Variants in IFT52 observed in about 807,000 individuals in gnomAD.
IFT52 encodes the protein intraflagellar transport 52.
IFT52 carries 44 observed loss-of-function variants against 54.4 expected under a neutral mutation model. That is an observed-to-expected ratio of 0.81 (90% CI 0.63 to 1.04). The LOEUF (loss-of-function observed/expected upper bound fraction) is 1.04. Among genes scored for constraint, IFT52 ranks in the 50% least tolerant of loss-of-function variants. IFT52 has a pLI of 0.00. For synonymous variants in IFT52, 181 were observed against 185.3 expected, an observed-to-expected ratio of 0.98 and a Z score of 0.19; for missense variants, 452 against 523.6, an observed-to-expected ratio of 0.86 and a Z score of 1.33.
intron 10 of IFT52, 104 bp from the exon 11 acceptor site, chr20:43,635,822 G>C: frequency 1.0e-6 from 1 of 956,412 alleles, no homozygotes; most frequent in Non-Finnish European, 1.6e-6. Flanking sequence ...TCTAAAAATA[G>C]TACTGAACCA....
chr20:43,595,989 T>C (rs924618540), intron 2 of IFT52, among the ~76,000 whole-genome samples: 1 of 152,274 alleles, frequency 6.6e-6, no homozygotes, highest in Non-Finnish European at 1.5e-5. Flanking sequence ...CAAAAGATTA[T>C]TCTAATTATA....
Position 43,643,192 on chromosome 20 carries a change from C to CA in IFT52, c.1266+578dup, listed in dbSNP as rs1265564639. ...AAAAAAACAAAAAAACAAAACAAAA[C>CA]AAAAAAAAAACAGCTGGGTGTGGTG... is the stretch of plus-strand genomic sequence containing the variant. On this transcript the variant is annotated intron_variant, in intron 13 of 13. Transcript: ENST00000373030. Among the ~76,000 whole-genome samples the CA allele has an allele frequency of 1.9e-3, 243 of 129,632 alleles. 1 individual carries two copies. Among genetic ancestry groups the CA allele is most frequent in the African/African-American group, 5.7e-3 (200 of 34,902 alleles). 85.0% of individuals were successfully genotyped at this position (129,632 alleles called of 152,430 possible). A position where few individuals can be genotyped will look rare whatever the true frequency, so the allele number is the denominator to read the frequency against.
Position 43,635,229 on chromosome 20 carries a change from T to A in IFT52, c.924-697T>A, listed in dbSNP as rs1370202989. Among the ~76,000 whole-genome samples the A allele has an allele frequency of 3.3e-5, 5 of 151,456 alleles. No individual in the cohort carries two copies. The East Asian group carries it at 9.6e-4, about 29-fold the overall frequency. ...CATGTGGTATTTGGTTTTCTCTTCCTGTATTAGTTTGCTAAGGATAATGGC... is the reference window on the plus strand; with the variant it reads ...CATGTGGTATTTGGTTTTCTCTTCCAGTATTAGTTTGCTAAGGATAATGGC... On this transcript the variant is annotated intron_variant, in intron 10 of 13. Transcript: ENST00000373030.
At position 43,623,985 on chromosome 20, in the gene IFT52, CCACCCTCTT is replaced by C. The variant is rs747558520; in HGVS notation, c.865_873del (p.Thr289_Phe291del). On this transcript the variant is annotated inframe_deletion, in exon 10 of 14. Transcript: ENST00000373030. ...AGTGATGAGATCCCAAGGGACTTTA[CCACCCTCTT>C]CGACCTGTCCATCTTCCAGCTGGAT... 10 of 1,614,146 alleles carry C rather than the reference CCACCCTCTT, an allele frequency of 6.2e-6. No individual in the cohort carries two copies. Among genetic ancestry groups the C allele is most frequent in the Non-Finnish European group, 8.5e-6 (10 of 1,180,010 alleles).
At chr20:43,614,494 G>A (rs1282156883) in intron 7 of IFT52, among the ~76,000 whole-genome samples, 1 of 151,132 alleles carries the variant, frequency 6.6e-6, no homozygotes, top group Non-Finnish European at 1.5e-5. Flanking sequence ...CACCCGCCTT[G>A]GCCTCCCGAA....
intron 10 of IFT52, among the ~76,000 whole-genome samples, chr20:43,631,956 G>A (rs1475897084): frequency 2.1e-5 from 3 of 141,416 alleles, no homozygotes; most frequent in African/African-American, 8.0e-5. Flanking sequence ...ACAGAGTTTC[G>A]CTCTTGTTGC....
intron 10 of IFT52, among the ~76,000 whole-genome samples, chr20:43,629,263 G>A (rs972448678): frequency 6.6e-6 from 1 of 151,958 alleles, no homozygotes. Context: ...GTACGTTTTT[G>A]TTTTTTTGTT....
At chr20:43,624,616 A>G (rs1451922830) in intron 10 of IFT52, among the ~76,000 whole-genome samples, 1 of 152,198 alleles carries the variant, frequency 6.6e-6, no homozygotes, top group Non-Finnish European at 1.5e-5. Flanking sequence ...GCCTTGAGAC[A>G]GGACCTCACA....
In IFT52 at chr20:43,619,166, C is replaced by T. The variant is rs55634516; in HGVS notation, c.699+140C>T. The T allele has an allele frequency of 0.044, 28,212 of 634,932 alleles. 839 individuals carry two copies. The highest frequency in any genetic ancestry group is 0.058 in the Non-Finnish European group (21,137 of 366,484). The allele number at this position is 634,932 out of a possible 1,614,324, so 39.3% of individuals were successfully genotyped here. ...ATGCCAGGCACTGAGAATACAAAGT[C>T]GAGTCAGGCATAGTCCCAGTCCCTG... On this transcript the variant is annotated intron_variant, in intron 8 of 13. Coordinates refer to ENST00000373030, the MANE Select transcript of IFT52 (RefSeq NM_016004.5).
intron 2 of IFT52, 26 bp from the exon 3 acceptor site, chr20:43,596,409 A>G (rs1469879698): frequency 5.6e-6 from 8 of 1,439,832 alleles, no homozygotes; most frequent in East Asian, 2.3e-5. Flanking sequence ...TGGACTTCAT[A>G]TTTGCTTTTA....
chr20:43,622,765 A>ATATTTTTATATGT (rs200912523), intron 9 of IFT52, among the ~76,000 whole-genome samples: 4 of 115,224 alleles, frequency 3.5e-5, no homozygotes, highest in African/African-American at 1.1e-4. Flanking sequence ...AAATATATAC[A>ATATTTTTATATGT]AATTGTGTGT....
chr20:43,640,514 G>A (rs1985844217), intron 12 of IFT52, among the ~76,000 whole-genome samples: 1 of 152,076 alleles, frequency 6.6e-6, no homozygotes, highest in African/African-American at 2.4e-5. Flanking sequence ...GATTCGGAAT[G>A]TCCATAATAC....
intron 6 of IFT52, among the ~76,000 whole-genome samples, chr20:43,609,812 G>C (rs1187491761): frequency 6.7e-6 from 1 of 149,730 alleles, no homozygotes; most frequent in Non-Finnish European, 1.5e-5. Flanking sequence ...AGCCTGTCGT[G>C]GTGGTGCATG....
At position 43,646,947 on chromosome 20, in the gene IFT52, C is replaced by T. The variant is rs771432439; in HGVS notation, c.1278C>T (p.Ile426=). 2.6e-5 allele frequency: 42 copies of T among 1,613,420 alleles called. No individual in the cohort carries two copies. Among genetic ancestry groups the T allele is most frequent in the Admixed American group, 1.0e-4 (6 of 59,984 alleles). Residue 426 remains isoleucine (I), a synonymous_variant, in exon 14 of 14, where the codon ATC becomes ATT. Coordinates refer to ENST00000373030, the MANE Select transcript of IFT52 (RefSeq NM_016004.5). ...ATTCTCTCATCCAGGAACATGACAT[C>T]GATACAAGTGAAACAGCATTCCAGA... ...EFKKLNQEHD[I]DTSETAFQNN...
At chr20:43,626,365 G>A (rs1984723095) in intron 10 of IFT52, among the ~76,000 whole-genome samples, 1 of 151,478 alleles carries the variant, frequency 6.6e-6, no homozygotes, top group Non-Finnish European at 1.5e-5. Flanking sequence ...CCAGGCTCAA[G>A]CAATTCTCCT....
chr20:43,610,935 G>A (rs1224355949), intron 6 of IFT52, among the ~76,000 whole-genome samples: 1 of 152,148 alleles, frequency 6.6e-6, no homozygotes, highest in African/African-American at 2.4e-5. Flanking sequence ...TGTGTAGTGG[G>A]GATAATGTTA....
rs144258825 is a variant in IFT52 at position 43,639,421 on chromosome 20, G to A, written c.1120+2168G>A. On this transcript the variant is annotated intron_variant, in intron 12 of 13. Transcript: ENST00000373030. ...TGCAGTGGCTCACGCCTGTAATCCC[G>A]GCACATTGGGAGGCCAAGGTGGGCA... 5.4e-4 allele frequency among the ~76,000 whole-genome samples: 82 copies of A among 151,236 alleles called. 2 individuals carry two copies. In the East Asian group the frequency reaches 0.013, roughly 23 times the overall value.
intron 5 of IFT52, among the ~76,000 whole-genome samples, chr20:43,604,652 A>G (rs571090351): frequency 6.6e-6 from 1 of 151,688 alleles, no homozygotes; most frequent in East Asian, 1.9e-4. Context: ...GTCTCTTCTC[A>G]TACATTCTTT....
intron 10 of IFT52, among the ~76,000 whole-genome samples, chr20:43,628,618 C>T (rs368032132): frequency 7.2e-5 from 11 of 152,152 alleles, no homozygotes; most frequent in South Asian, 2.1e-4. Context: ...TTTGGGAGGC[C>T]GAAGCGAGCG....
Sources: gnomAD v4.1 joint callset for allele counts (sites outside exome capture counted in the v4.1 genomes callset) on GRCh38, gnomAD v4.1.1 for gene constraint, MANE v1.5 for transcripts, NCBI Gene and HGNC (gene_info 2026-07-23, HGNC 2026-07-21) for gene names.